CSMD1: variants seen among roughly 807,000 people sequenced by gnomAD.
The protein encoded by CSMD1 is CUB and sushi domain-containing protein 1.
A neutral mutation model predicts 417.5 loss-of-function variants in CSMD1; 213 were observed. The observed-to-expected ratio is 0.51, with a 90% CI of 0.46 to 0.57. The LOEUF is 0.57. CSMD1 is among the 20% of genes least tolerant of loss of function. The pLI, the probability that CSMD1 is intolerant of heterozygous loss-of-function variation, is 0.00. For synonymous variants in CSMD1, 2,862 were observed against 1,736.8 expected (o/e 1.65, Z -16.11); for missense variants, 6,923 against 4,529.7 (o/e 1.53, Z -15.17).
At chr8:3,017,806 TAAAAAAA>T (rs777717027) in intron 52 of CSMD1, among the ~76,000 whole-genome samples, 3,715 of 76,350 alleles carry the variant, frequency 0.049, 94 homozygotes, top group African/African-American at 0.11. Flanking sequence ...TTGAGTGATT[TAAAAAAA>T]AAAAAAAAAA....
At chr8:3,761,851 C>T (rs1389833377) in intron 5 of CSMD1, among the ~76,000 whole-genome samples, 1 of 152,070 alleles carries the variant, frequency 6.6e-6, no homozygotes, top group Non-Finnish European at 1.5e-5. Flanking sequence ...CGGAGCGGCA[C>T]TCATGATTGT....
intron 3 of CSMD1, among the ~76,000 whole-genome samples, chr8:4,246,194 G>A (rs192781957): frequency 2.6e-5 from 4 of 152,042 alleles, no homozygotes; most frequent in East Asian, 1.9e-4. Flanking sequence ...CCTCCAAAAG[G>A]CCCCAGTGTG....
intron 3 of CSMD1, among the ~76,000 whole-genome samples, chr8:4,408,700 G>C (rs1160392509): frequency 6.6e-6 from 1 of 152,148 alleles, no homozygotes; most frequent in Non-Finnish European, 1.5e-5. Flanking sequence ...TAAGCCCATA[G>C]TTGACCAGCT....
chr8:4,011,461 C>T (rs775549139), intron 4 of CSMD1, among the ~76,000 whole-genome samples: 10 of 152,162 alleles, frequency 6.6e-5, no homozygotes, highest in Non-Finnish European at 1.5e-4. Context: ...TCCACATTTG[C>T]GGTCTTTAAC....
chr8:4,381,756 G>C (rs1209795147), intron 3 of CSMD1, among the ~76,000 whole-genome samples: 41 of 152,032 alleles, frequency 2.7e-4, no homozygotes, highest in Admixed American at 2.6e-3. Flanking sequence ...ATGTTTTTTT[G>C]TTTTGTTTTT....
intron 5 of CSMD1, among the ~76,000 whole-genome samples, chr8:3,774,662 C>T (rs1175634829): frequency 6.6e-6 from 1 of 152,056 alleles, no homozygotes; most frequent in Non-Finnish European, 1.5e-5. Flanking sequence ...AGCTGGAGAC[C>T]AGTGAAAAAA....
rs710261 is a variant in CSMD1, at chr8:4,191,888, A to C, written c.416-159789T>G. Among the ~76,000 whole-genome samples, 272 of 152,258 alleles carry C rather than the reference A, an allele frequency of 1.8e-3. 1 individual carries two copies. Among genetic ancestry groups the C allele is most frequent in the African/African-American group, 6.4e-3 (264 of 41,542 alleles). ...CTCAGCAACATCAAAATTTGACAAC[A>C]ATTCAAAGATGAGGAAAGAAAGTGA... is the stretch of plus-strand genomic sequence containing the variant. On this transcript the variant is annotated intron_variant, in intron 3 of 69. Transcript: ENST00000635120.
At chr8:3,735,574 C>T (rs575863885) in intron 6 of CSMD1, among the ~76,000 whole-genome samples, 1 of 152,328 alleles carries the variant, frequency 6.6e-6, no homozygotes, top group South Asian at 2.1e-4. Flanking sequence ...GTCAGCATGA[C>T]TTGCTTCAGT....
intron 2 of CSMD1, among the ~76,000 whole-genome samples, chr8:4,451,217 A>G (rs958168740): frequency 1.3e-5 from 2 of 152,218 alleles, no homozygotes; most frequent in East Asian, 1.9e-4. Flanking sequence ...TGTAGTCTCA[A>G]CTACTTGGGA....
At chr8:4,637,280 T>A (rs917542624) in intron 2 of CSMD1, 62 bp downstream of exon 2, 6 of 1,359,742 alleles carry the variant, frequency 4.4e-6, no homozygotes, top group Non-Finnish European at 6.2e-6. Context: ...ATATTCCAAC[T>A]AGATTTCATA....
At chr8:3,565,131 C>CAAAAAAAAAAAAAAAAAAAAAA (rs869248314) in intron 10 of CSMD1, among the ~76,000 whole-genome samples, 2 of 10,448 alleles carry the variant, frequency 1.9e-4, no homozygotes, top group East Asian at 3.2e-3. Context: ...TGCAAGACAG[C>CAAAAAAAAAAAAAAAAAAAAAA]AAAAAAAAAA....
chr8:3,401,741 G>C (rs567883728), intron 15 of CSMD1, among the ~76,000 whole-genome samples: 1 of 152,248 alleles, frequency 6.6e-6, no homozygotes, highest in East Asian at 1.9e-4. Context: ...CGCTGACCCA[G>C]AAGTTGAGTA....
At chr8:4,194,242 C>A (rs923836678) in intron 3 of CSMD1, among the ~76,000 whole-genome samples, 1 of 152,094 alleles carries the variant, frequency 6.6e-6, no homozygotes, top group African/African-American at 2.4e-5. Flanking sequence ...CTGCTTTTAA[C>A]ACCAAATGAG....
rs1255456254 is a variant in CSMD1 at position 3,775,885 on chromosome 8, G to A, written c.819-21843C>T. 8.5e-5 allele frequency among the ~76,000 whole-genome samples: 13 copies of A among 152,214 alleles called. 1 individual carries two copies. Among genetic ancestry groups the A allele is most frequent in the Admixed American group, 4.6e-4 (7 of 15,286 alleles). ...GGGTCCTGAGACCTCTCTCCCTTGC[G>A]CCACATGTGGCTTCTCAATGAGCTC... On this transcript the variant is annotated intron_variant, in intron 5 of 69. Transcript: ENST00000635120.
chr8:3,693,979 T>A (rs1800399700), intron 7 of CSMD1, among the ~76,000 whole-genome samples: 1 of 150,544 alleles, frequency 6.6e-6, no homozygotes, highest in Admixed American at 6.6e-5. Flanking sequence ...GTTGGGTATG[T>A]GTGTTGTTAG....
At chr8:4,038,110 T>C (rs1480546687) in intron 3 of CSMD1, among the ~76,000 whole-genome samples, 3 of 152,104 alleles carry the variant, frequency 2.0e-5, no homozygotes, top group Non-Finnish European at 4.4e-5. Flanking sequence ...AATGATTAGA[T>C]CTACCATTTA....
intron 3 of CSMD1, among the ~76,000 whole-genome samples, chr8:4,256,514 AAC>A (rs1456913880): frequency 1.3e-5 from 2 of 152,216 alleles, no homozygotes; most frequent in Admixed American, 1.3e-4. Context: ...TAAAGAAATA[AAC>A]AGTTATAAAC....
At chr8:3,071,058 G>A (rs1376186255) in intron 49 of CSMD1, among the ~76,000 whole-genome samples, 2 of 152,198 alleles carry the variant, frequency 1.3e-5, no homozygotes, top group African/African-American at 4.8e-5. Flanking sequence ...GGCCAGAACA[G>A]GAGCAAGAGG....
At chr8:4,842,574 C>T (rs1043027252) in intron 1 of CSMD1, among the ~76,000 whole-genome samples, 13 of 152,188 alleles carry the variant, frequency 8.5e-5, no homozygotes, top group African/African-American at 3.1e-4. Context: ...CCATATTGAG[C>T]ATAGGGCACA....
Sources: gnomAD v4.1 joint callset for allele counts (sites outside exome capture counted in the v4.1 genomes callset) on GRCh38, gnomAD v4.1.1 for gene constraint, MANE v1.5 for transcripts, NCBI Gene and HGNC (gene_info 2026-07-23, HGNC 2026-07-21) for gene names.